CSMD2: variants seen among roughly 807,000 people sequenced by gnomAD.
CSMD2 encodes CUB and sushi domain-containing protein 2.
Under a neutral mutation model 398.5 loss-of-function variants are expected in CSMD2, and 130 were observed. The ratio of observed to expected loss-of-function variants is 0.33; its 90% CI spans 0.28 to 0.38. CSMD2 has a LOEUF of 0.38. Among genes scored for constraint, CSMD2 ranks in the 10% least tolerant of loss-of-function variants. The pLI, the probability that CSMD2 is intolerant of heterozygous loss-of-function variation, is 1.00. For synonymous variants in CSMD2, 1,828 were observed against 1,908.5 expected (o/e 0.96, Z 1.10); for missense variants, 3,829 against 4,764.9 (o/e 0.80, Z 5.78).
rs761101409 is a variant in CSMD2 at position 33,587,168 on chromosome 1, G to C, written c.6857C>G (p.Ala2286Gly). Reference protein sequence around the residue: ...TGGIFAIAFSAYPLTKCPPPT... With the variant: ...TGGIFAIAFSGYPLTKCPPPT... ...AGGAGGGCATTTGGTGAGTGGATAA[G>C]CTGAAAAGATAAAAGCAGGCAAGTC... is the stretch of plus-strand genomic sequence containing the variant. Residue 2286 changes from alanine to glycine, a missense_variant and splice_region_variant, in exon 45 of 71, where the codon GCT (alanine) becomes GGT (glycine). This residue lies in a region of CSMD2 where 723 missense variants were observed against 758.6 expected (regional missense o/e 0.95). Coordinates refer to ENST00000373381, the MANE Select transcript of CSMD2 (RefSeq NM_001281956.2). 1.0e-5 allele frequency: 16 copies of C among 1,606,060 alleles called. No individual in the cohort carries two copies. Among genetic ancestry groups the C allele is most frequent in the Non-Finnish European group, 1.4e-5 (16 of 1,176,340 alleles).
chr1:33,623,290 T>C (rs1641891049), intron 36 of CSMD2, 80 bp downstream of exon 36: 1 of 926,476 alleles, frequency 1.1e-6, no homozygotes, highest in Non-Finnish European at 1.8e-6. Flanking sequence ...ATCTCAATAA[T>C]AATAATGATA....
intron 23 of CSMD2, among the ~76,000 whole-genome samples, chr1:33,700,312 A>G (rs1286660556): frequency 6.6e-6 from 1 of 151,950 alleles, no homozygotes; most frequent in African/African-American, 2.4e-5. Flanking sequence ...CGGCCACTTC[A>G]CTCCTTTTTA....
In CSMD2 at chr1:33,685,172, G is replaced by A. The variant is rs548070796; in HGVS notation, c.4052+7758C>T. On this transcript the variant is annotated intron_variant, in intron 25 of 70. Coordinates refer to ENST00000373381, the MANE Select transcript of CSMD2 (RefSeq NM_001281956.2). Reference sequence around the variant, plus strand: ...ACACAGACATAATGTCTGGAGCTGCGGCAGCCAACTAGGTAGCCACGAGGA... The same window carrying A: ...ACACAGACATAATGTCTGGAGCTGCAGCAGCCAACTAGGTAGCCACGAGGA... Among the ~76,000 whole-genome samples the A allele has an allele frequency of 1.2e-3, 186 of 152,154 alleles. 1 individual carries two copies. Among genetic ancestry groups the A allele is most frequent in the African/African-American group, 4.3e-3 (179 of 41,488 alleles).
intron 3 of CSMD2, among the ~76,000 whole-genome samples, chr1:34,010,549 G>A (rs2148065986): frequency 6.6e-6 from 1 of 152,286 alleles, no homozygotes; most frequent in South Asian, 2.1e-4. Context: ...TGTAACCAAT[G>A]GAGCTGGACC....
chr1:33,785,496 CTGAG>C (rs1253983680), intron 12 of CSMD2, among the ~76,000 whole-genome samples: 6 of 152,246 alleles, frequency 3.9e-5, no homozygotes, highest in Non-Finnish European at 8.8e-5. Context: ...CTTCACCCCT[CTGAG>C]TCTCAGATTC....
intron 5 of CSMD2, among the ~76,000 whole-genome samples, chr1:33,861,815 G>A (rs1298870503): frequency 6.6e-6 from 1 of 152,186 alleles, no homozygotes; most frequent in Admixed American, 6.5e-5. Flanking sequence ...GAAGGAGAGA[G>A]TCATTTAGAG....
At chr1:33,765,386 G>C (rs1433523826) in intron 13 of CSMD2, among the ~76,000 whole-genome samples, 1 of 152,076 alleles carries the variant, frequency 6.6e-6, no homozygotes, top group African/African-American at 2.4e-5. Flanking sequence ...TAGAGCAGCA[G>C]AACAAAGTGG....
At chr1:33,994,284 C>T (rs780678784) in intron 3 of CSMD2, among the ~76,000 whole-genome samples, 3 of 151,978 alleles carry the variant, frequency 2.0e-5, no homozygotes, top group Non-Finnish European at 2.9e-5. Flanking sequence ...GGTAGGTGAG[C>T]GAGAGGAAGA....
intron 6 of CSMD2, among the ~76,000 whole-genome samples, chr1:33,830,995 G>GA (rs1659482389): frequency 6.6e-6 from 1 of 152,224 alleles, no homozygotes; most frequent in African/African-American, 2.4e-5. Flanking sequence ...AAGATTCCAA[G>GA]AAATATGGGA....
intron 10 of CSMD2, among the ~76,000 whole-genome samples, chr1:33,794,727 C>T (rs1557905464): frequency 2.6e-5 from 4 of 152,270 alleles, no homozygotes; most frequent in South Asian, 2.1e-4. Context: ...GTTGAAAGCT[C>T]GGAGTCCAAT....
At chr1:34,165,582 CCACACACACACACACAAACA>C (rs548865433), upstream of CSMD2, among the ~76,000 whole-genome samples, 1 of 150,068 alleles carries the variant, frequency 6.7e-6, no homozygotes, top group Non-Finnish European at 1.5e-5. Context: ...ACCCCCCTCT[CCACACACACACACACAAACA>C]CACACACACA....
Position 34,022,486 on chromosome 1 carries a change from A to C in CSMD2, c.517+10108T>G, listed in dbSNP as rs116074897. Among the ~76,000 whole-genome samples the C allele has an allele frequency of 2.6e-3, 389 of 152,360 alleles. 1 individual carries two copies. Among genetic ancestry groups the C allele is most frequent in the African/African-American group, 9.0e-3 (375 of 41,588 alleles). On this transcript the variant is annotated intron_variant, in intron 3 of 70. Transcript: ENST00000373381. ...CCTGTCCAGAAGCACACACAAGAGT[A>C]GAGAAGGTAAACAAGGAACAGAAAA...
rs1210571458 is a variant in CSMD2 at position 33,542,591 on chromosome 1, G to A, written c.9277+129C>T. On this transcript the variant is annotated intron_variant, in intron 58 of 70. Coordinates refer to ENST00000373381, the MANE Select transcript of CSMD2 (RefSeq NM_001281956.2). ...TATGCTCAACAGAGGCTATTCATATGATTATCGTTCAGGTTCAAGTCCGAC... is the reference window on the plus strand; with the variant it reads ...TATGCTCAACAGAGGCTATTCATATAATTATCGTTCAGGTTCAAGTCCGAC... 63 of 760,956 alleles carry A rather than the reference G, an allele frequency of 8.3e-5. No individual in the cohort carries two copies. In the East Asian group the frequency reaches 1.6e-3, roughly 20 times the overall value. The allele number at this position is 760,956 out of a possible 1,614,324, so 47.1% of individuals were successfully genotyped here.
At chr1:33,590,022 GA>G (rs201353931) in intron 44 of CSMD2, among the ~76,000 whole-genome samples, 12 of 149,064 alleles carry the variant, frequency 8.1e-5, no homozygotes, top group South Asian at 2.1e-4. Flanking sequence ...ACTTTTCCAG[GA>G]AAAAAAAATG....
chr1:33,964,039 T>C (rs759280425), intron 3 of CSMD2, among the ~76,000 whole-genome samples: 3 of 152,222 alleles, frequency 2.0e-5, no homozygotes, highest in Non-Finnish European at 2.9e-5. Flanking sequence ...TCACCTACAG[T>C]GTACGAGAGT....
At chr1:33,946,486 C>G (rs905439813) in intron 3 of CSMD2, among the ~76,000 whole-genome samples, 1 of 152,154 alleles carries the variant, frequency 6.6e-6, no homozygotes, top group Non-Finnish European at 1.5e-5. Context: ...TCTTCTATGA[C>G]CCATTGGCTA....
intron 3 of CSMD2, among the ~76,000 whole-genome samples, chr1:33,947,906 G>A (rs1405709091): frequency 1.3e-5 from 2 of 152,254 alleles, no homozygotes; most frequent in Admixed American, 1.3e-4. Flanking sequence ...CTGAGGCGCA[G>A]AGAGGGTGAG....
At chr1:33,544,102 C>CTTTT (rs57678063) in intron 57 of CSMD2, among the ~76,000 whole-genome samples, 3 of 89,342 alleles carry the variant, frequency 3.4e-5, no homozygotes, top group African/African-American at 4.7e-5. Flanking sequence ...CCATATTTGT[C>CTTTT]TTTTTTTTTT....
chr1:33,630,536 T>C (rs939575675), intron 32 of CSMD2, among the ~76,000 whole-genome samples: 1 of 152,056 alleles, frequency 6.6e-6, no homozygotes, highest in African/African-American at 2.4e-5. Flanking sequence ...AGAAAACAAA[T>C]AGGAGAGCTA....
Sources: allele counts gnomAD v4.1 joint callset (sites outside exome capture counted in the v4.1 genomes callset), GRCh38; gene constraint gnomAD v4.1.1; regional missense constraint gnomAD v4.1.1; transcripts MANE v1.5; gene names NCBI Gene and HGNC (gene_info 2026-07-23, HGNC 2026-07-21).